Variants in NFILZ observed in about 807,000 individuals in gnomAD.
NFILZ encodes NFIL3 like basic leucine zipper.
At chr19:8,668,525 A>T (rs2043072876) in intron 3 of NFILZ, among the ~76,000 whole-genome samples, 2 of 152,144 alleles carry the variant, frequency 1.3e-5, no homozygotes, top group Admixed American at 1.3e-4. Flanking sequence ...CTCTTTCAAG[A>T]TTAAACTGAT....
Position 8,680,299 on chromosome 19 carries a change from T to TTTCATTCA in NFILZ, c.*2687_*2694dup, listed in dbSNP as rs57880553. Among the ~76,000 whole-genome samples, 276 of 147,958 alleles carry TTTCATTCA rather than the reference T, an allele frequency of 1.9e-3. 1 individual carries two copies. Among genetic ancestry groups the TTTCATTCA allele is most frequent in the African/African-American group, 6.9e-3 (266 of 38,330 alleles). On this transcript the variant is annotated 3_prime_UTR_variant, in exon 6 of 6. Coordinates refer to ENST00000691075, the MANE Select transcript of NFILZ (RefSeq NM_001378600.1). ...GCTTGTGGCTCAGCTATAACAGCAT[T>TTTCATTCA]TTCATTCATTCATTCATTCATTCAT...
At chr19:8,655,015 T>C (rs2042985981) in intron 3 of NFILZ, among the ~76,000 whole-genome samples, 1 of 152,248 alleles carries the variant, frequency 6.6e-6, no homozygotes, top group African/African-American at 2.4e-5. Flanking sequence ...GGGCCTTTGC[T>C]GCTCCTTCTG....
chr19:8,630,851 C>G (rs533289045), intron 1 of NFILZ, 107 bp downstream of exon 1: 5 of 152,348 alleles, frequency 3.3e-5, no homozygotes, highest in South Asian at 2.1e-4. Context: ...CTCTCTCCCC[C>G]ACACAGGTCC....
chr19:8,673,637 C>G (rs1303100375), intron 3 of NFILZ, among the ~76,000 whole-genome samples: 1 of 152,182 alleles, frequency 6.6e-6, no homozygotes, highest in Non-Finnish European at 1.5e-5. Context: ...TGCAGACCCT[C>G]CTGTGACTAG....
In NFILZ at chr19:8,656,407, CT is replaced by C. The variant is rs1423465546; in HGVS notation, c.-163-18143del. Among the ~76,000 whole-genome samples, 108 of 90,390 alleles carry C rather than the reference CT, an allele frequency of 1.2e-3. 8 individuals are homozygous for C. The highest frequency in any genetic ancestry group is 2.9e-3 in the African/African-American group (74 of 25,738). The allele number at this position is 90,390 out of a possible 152,430, so 59.3% of individuals were successfully genotyped here. Reference sequence around the variant, plus strand: ...CACCTTCTCCCGCAGCCCACCTTCTCTCTGAAACCCACCTCTTTCCGCAGCC... The same window carrying C: ...CACCTTCTCCCGCAGCCCACCTTCTCCTGAAACCCACCTCTTTCCGCAGCC... On this transcript the variant is annotated intron_variant, in intron 3 of 5. Transcript: ENST00000691075.
chr19:8,647,795 G>GCACACACA (rs879996864), intron 3 of NFILZ, among the ~76,000 whole-genome samples: 97 of 76,322 alleles, frequency 1.3e-3, no homozygotes, highest in East Asian at 9.8e-3. Flanking sequence ...GCGCGCGCGC[G>GCACACACA]CACACACACA....
intron 3 of NFILZ, among the ~76,000 whole-genome samples, chr19:8,663,755 T>C (rs1213498612): frequency 6.7e-6 from 1 of 148,798 alleles, no homozygotes. Flanking sequence ...TGTGTGTGTG[T>C]GTGTGTGTGT....
At chr19:8,641,550 C>T (rs547597473) in intron 3 of NFILZ, among the ~76,000 whole-genome samples, 1 of 152,306 alleles carries the variant, frequency 6.6e-6, no homozygotes, top group Admixed American at 6.5e-5. Context: ...GGTTCATAAC[C>T]TCTGATCTAG....
At chr19:8,634,298 CT>C (rs1233441030) in intron 2 of NFILZ, among the ~76,000 whole-genome samples, 6 of 148,554 alleles carry the variant, frequency 4.0e-5, no homozygotes, top group Non-Finnish European at 3.0e-5. Flanking sequence ...TGCCTGGCCT[CT>C]TTTTTTTTTC....
intron 2 of NFILZ, among the ~76,000 whole-genome samples, chr19:8,635,265 A>T (rs1180537399): frequency 1.3e-5 from 2 of 150,624 alleles, no homozygotes; most frequent in Non-Finnish European, 3.0e-5. Flanking sequence ...AGCCGAGATC[A>T]TACCACTGCA....
chr19:8,653,643 T>C (rs1310454736), intron 3 of NFILZ, among the ~76,000 whole-genome samples: 1 of 152,168 alleles, frequency 6.6e-6, no homozygotes, highest in Non-Finnish European at 1.5e-5. Flanking sequence ...TATTCAGCCA[T>C]GAAAAGAATG....
chr19:8,656,353 TC>T (rs143316069), intron 3 of NFILZ, among the ~76,000 whole-genome samples: 6 of 93,678 alleles, frequency 6.4e-5, no homozygotes, highest in South Asian at 6.8e-4. Flanking sequence ...GCCCACCTCT[TC>T]CCTGAAGCCC....
chr19:8,656,443 CT>C lies in NFILZ; in HGVS notation c.-163-18107del, dbSNP rs1241402809. Among the ~76,000 whole-genome samples, 826 of 93,376 alleles carry C rather than the reference CT, an allele frequency of 8.8e-3. 64 individuals are homozygous for C. Among genetic ancestry groups the C allele is most frequent in the African/African-American group, 0.031 (682 of 21,770 alleles). The allele number at this position is 93,376 out of a possible 152,430, so 61.3% of individuals were successfully genotyped here. On this transcript the variant is annotated intron_variant, in intron 3 of 5. Transcript: ENST00000691075. ...ACCTCTTTCCGCAGCCCACCTTCTC[CT>C]CGAAGCCCACCTTCTCTCTGAAGCC... is the stretch of plus-strand genomic sequence containing the variant.
At chr19:8,631,124 G>T (rs1200441343) in intron 1 of NFILZ, among the ~76,000 whole-genome samples, 1 of 152,160 alleles carries the variant, frequency 6.6e-6, no homozygotes, top group Non-Finnish European at 1.5e-5. Flanking sequence ...TGGGGTACCA[G>T]GGGTTTCTGG....
intron 2 of NFILZ, among the ~76,000 whole-genome samples, chr19:8,634,277 G>A (rs1012195791): frequency 1.1e-4 from 17 of 151,876 alleles, no homozygotes; most frequent in African/African-American, 2.7e-4. Context: ...GATTACAGGC[G>A]TGAGCCACCC....
intron 3 of NFILZ, among the ~76,000 whole-genome samples, chr19:8,642,087 C>T (rs1337600937): frequency 6.6e-6 from 1 of 152,128 alleles, no homozygotes; most frequent in African/African-American, 2.4e-5. Flanking sequence ...AGTGATCTTC[C>T]TGCCTTAGCC....
At chr19:8,651,343 G>T (rs1290702002) in intron 3 of NFILZ, among the ~76,000 whole-genome samples, 1 of 151,874 alleles carries the variant, frequency 6.6e-6, no homozygotes, top group Non-Finnish European at 1.5e-5. Flanking sequence ...TGCATTTTTA[G>T]TAGAGACGGG....
At chr19:8,647,585 C>CA in intron 3 of NFILZ, among the ~76,000 whole-genome samples, 1 of 148,446 alleles carries the variant, frequency 6.7e-6, no homozygotes, top group Admixed American at 6.8e-5. Context: ...CACCCCCCCC[C>CA]CCAAAAAAAG....
Position 8,681,083 on chromosome 19 carries a change from T to C in NFILZ, c.*3448T>C, listed in dbSNP as rs2043144412. Among the ~76,000 whole-genome samples the C allele has an allele frequency of 6.6e-6, 1 of 152,112 alleles. No homozygotes were observed. Among genetic ancestry groups the C allele is most frequent in the Admixed American group, 6.6e-5 (1 of 15,264 alleles). On this transcript the variant is annotated 3_prime_UTR_variant, in exon 6 of 6. Coordinates refer to ENST00000691075, the MANE Select transcript of NFILZ (RefSeq NM_001378600.1). The stretch of plus-strand genomic sequence containing the variant: ...GACGTTTCCAAGTATATTTCTGTTG[T>C]AGTTCTCCCCTTACCTCCATCCTGT...
Sources: gnomAD v4.1 joint callset for allele counts (sites outside exome capture counted in the v4.1 genomes callset) on GRCh38, gnomAD v4.1.1 for gene constraint, MANE v1.5 for transcripts, NCBI Gene and HGNC (gene_info 2026-07-23, HGNC 2026-07-21) for gene names.